PMP22: variants seen among roughly 807,000 people sequenced by gnomAD.
The protein encoded by PMP22 is peripheral myelin protein 22, also known as Charcot-Marie-Tooth neuropathy 1A (greatly reduced nerve conduction velocity, hereditary motor sensory neuropathy Ia).
In PMP22, 2 loss-of-function variants were observed where a neutral mutation model predicts 18.9. The observed-to-expected ratio is 0.11, with a 90% CI of 0.04 to 0.33. The LOEUF (loss-of-function observed/expected upper bound fraction) is 0.33, where lower values mean the gene tolerates loss of function less well. Ranked by LOEUF, PMP22 falls within the 10% of genes least tolerant of loss-of-function variation. The pLI is 1.00. For missense variants in PMP22, 169 were observed against 202.2 expected, an observed-to-expected ratio of 0.84 and a Z score of 1.00; for synonymous variants, 95 against 89.2, an observed-to-expected ratio of 1.07 and a Z score of -0.37.
chr17:15,231,787 T>C (rs914262711), intron 4 of PMP22, among the ~76,000 whole-genome samples: 1 of 152,178 alleles, frequency 6.6e-6, no homozygotes, highest in Non-Finnish European at 1.5e-5. Context: ...AGGTTGCATT[T>C]GAAGCCCAAA....
chr17:15,231,425 A>AAGGG (rs779031600), intron 4 of PMP22, among the ~76,000 whole-genome samples: 4 of 152,128 alleles, frequency 2.6e-5, no homozygotes, highest in Admixed American at 1.3e-4. Context: ...GTCTCTTTCC[A>AAGGG]AGGGTGGTTG....
intron 3 of PMP22, among the ~76,000 whole-genome samples, chr17:15,254,755 C>T (rs554712957): frequency 2.0e-5 from 3 of 152,050 alleles, no homozygotes; most frequent in Admixed American, 6.5e-5. Flanking sequence ...GTCGGGAGTT[C>T]GAGACCAGCC....
chr17:15,257,695 A>T (rs1908961748), intron 3 of PMP22, among the ~76,000 whole-genome samples: 2 of 152,122 alleles, frequency 1.3e-5, no homozygotes, highest in African/African-American at 2.4e-5. Context: ...CACCATGCAA[A>T]CCCACCACGT....
At chr17:15,237,839 C>CA (rs962599532) in intron 4 of PMP22, among the ~76,000 whole-genome samples, 2 of 152,140 alleles carry the variant, frequency 1.3e-5, no homozygotes, top group African/African-American at 4.8e-5. Flanking sequence ...GCACATCTCA[C>CA]ACATGGGCAT....
intron 2 of PMP22, 124 bp downstream of exon 2, chr17:15,260,526 C>T: frequency 1.2e-6 from 1 of 844,616 alleles, no homozygotes; most frequent in Non-Finnish European, 2.0e-6. Flanking sequence ...CAGAAACTTC[C>T]CTGGGACGTC....
intron 3 of PMP22, among the ~76,000 whole-genome samples, chr17:15,243,544 A>C (rs998862499): frequency 1.3e-5 from 2 of 151,626 alleles, no homozygotes; most frequent in African/African-American, 4.8e-5. Context: ...TATAAAACCA[A>C]TGAGTCAAGA....
chr17:15,257,412 C>T (rs529779363), intron 3 of PMP22, among the ~76,000 whole-genome samples: 64 of 152,350 alleles, frequency 4.2e-4, no homozygotes, highest in Non-Finnish European at 8.1e-4. Context: ...CCCTTCCGGG[C>T]CCAAGAGTCC....
intron 4 of PMP22, among the ~76,000 whole-genome samples, chr17:15,237,194 G>T (rs3785654): frequency 6.6e-6 from 1 of 152,148 alleles, no homozygotes; most frequent in South Asian, 2.1e-4. Flanking sequence ...TACTTAAATC[G>T]CAATACCTAG....
chr17:15,246,894 AC>A (rs1401824142), intron 3 of PMP22, among the ~76,000 whole-genome samples: 1 of 151,218 alleles, frequency 6.6e-6, no homozygotes, highest in Non-Finnish European at 1.5e-5. Flanking sequence ...ACATGGTGAA[AC>A]CCCGTCTCTA....
intron 4 of PMP22, among the ~76,000 whole-genome samples, chr17:15,238,760 G>A (rs1347156176): frequency 6.6e-6 from 1 of 152,224 alleles, no homozygotes; most frequent in Non-Finnish European, 1.5e-5. Context: ...GAAGTTTCTA[G>A]GACTCTGCAC....
At chr17:15,260,108 G>GT (rs1395595658) in intron 2 of PMP22, among the ~76,000 whole-genome samples, 1 of 152,078 alleles carries the variant, frequency 6.6e-6, no homozygotes, top group Non-Finnish European at 1.5e-5. Flanking sequence ...GGACAGTTTT[G>GT]TAACAGAAGT....
At chr17:15,231,136 C>T (rs1043548057) in intron 4 of PMP22, 56 bp from the exon 5 acceptor site, 14 of 1,548,182 alleles carry the variant, frequency 9.0e-6, no homozygotes, top group South Asian at 7.8e-5. Flanking sequence ...GAGCGGCCCC[C>T]TCTCCGCCAC....
At chr17:15,244,286 T>C (rs1907600287) in intron 3 of PMP22, among the ~76,000 whole-genome samples, 1 of 151,980 alleles carries the variant, frequency 6.6e-6, no homozygotes, top group African/African-American at 2.4e-5. Context: ...GCAGAACAAA[T>C]AAGTGATAGC....
intron 1 of PMP22, among the ~76,000 whole-genome samples, chr17:15,263,333 G>C (rs537634833): frequency 2.0e-5 from 3 of 152,278 alleles, no homozygotes; most frequent in South Asian, 2.1e-4. Flanking sequence ...ATGGGGTTTG[G>C]CGGGCGGGTG....
chr17:15,260,566 A>T (rs1909227081), intron 2 of PMP22, 84 bp downstream of exon 2: 5 of 1,126,836 alleles, frequency 4.4e-6, no homozygotes, highest in Non-Finnish European at 5.3e-6. Context: ...CAAATAACAC[A>T]GTCCTGAACC....
chr17:15,233,805 C>T (rs1461661965), intron 4 of PMP22, among the ~76,000 whole-genome samples: 2 of 152,146 alleles, frequency 1.3e-5, no homozygotes, highest in East Asian at 3.8e-4. Flanking sequence ...GCACCAGATG[C>T]CCCAAGAGCA....
chr17:15,257,331 C>T (rs1239829987), intron 3 of PMP22, among the ~76,000 whole-genome samples: 2 of 152,230 alleles, frequency 1.3e-5, no homozygotes, highest in Non-Finnish European at 2.9e-5. Context: ...TTAAGCACAA[C>T]TTAGCAACTC....
intron 4 of PMP22, among the ~76,000 whole-genome samples, chr17:15,231,967 A>C (rs932549895): frequency 1.3e-5 from 2 of 152,104 alleles, no homozygotes; most frequent in Admixed American, 6.6e-5. Context: ...TCCCCCCACA[A>C]GGAGGGGTCC....
rs151195446 is a variant in PMP22, at chr17:15,250,442, G to T, written c.178+8652C>A. ...CCTTCGGTATAGAGGAATGACTCTT[G>T]ACTTTGAATTTCCAGCCCAGACCTC... On this transcript the variant is annotated intron_variant, in intron 3 of 4. Transcript: ENST00000312280. Among the ~76,000 whole-genome samples the T allele has an allele frequency of 5.3e-5, 8 of 152,268 alleles. No individual in the cohort carries two copies. In the East Asian group the frequency reaches 1.5e-3, roughly 29 times the overall value.
Sources: allele counts gnomAD v4.1 joint callset (sites outside exome capture counted in the v4.1 genomes callset), GRCh38; gene constraint gnomAD v4.1.1; transcripts MANE v1.5; gene names NCBI Gene and HGNC (gene_info 2026-07-23, HGNC 2026-07-21).